Variants in CILK1 observed in about 807,000 individuals in gnomAD.
CILK1 encodes the protein serine/threonine-protein kinase ICK.
In CILK1, 47 loss-of-function variants were observed where a neutral mutation model predicts 79.2. The observed-to-expected ratio is 0.59, with a 90% CI of 0.47 to 0.76. The LOEUF (loss-of-function observed/expected upper bound fraction) is 0.76. Ranked by LOEUF, CILK1 falls within the 30% of genes least tolerant of loss-of-function variation. CILK1 has a pLI of 0.00. For missense variants in CILK1, 660 were observed against 769.5 expected (o/e 0.86, Z 1.68); for synonymous variants, 266 against 275.9 (o/e 0.96, Z 0.36).
In CILK1 at chr6:53,016,239, A is replaced by T. The variant is rs765514621; in HGVS notation, c.675T>A (p.Pro225=). ...TTGCACTTGAAAGTTGATAGCCTTCAGGCCAGTCAGTCTGAAAGAAGGAAA... is the reference window on the plus strand; with the variant it reads ...TTGCACTTGAAAGTTGATAGCCTTCTGGCCAGTCAGTCTGAAAGAAGGAAA... The part of the protein sequence containing the change: ...VLGTPKKTDW[P]EGYQLSSAMN... Residue 225 remains proline, a synonymous_variant, in exon 8 of 14, where the codon CCT becomes CCA. Transcript: ENST00000676107. 6.2e-7 allele frequency: 1 copy of T among 1,614,078 alleles called. No individual in the cohort carries two copies. The highest frequency in any genetic ancestry group is 1.1e-5 in the South Asian group (1 of 91,092).
chr6:53,056,421 A>T (rs9474376), intron 1 of CILK1, among the ~76,000 whole-genome samples: 1 of 152,232 alleles, frequency 6.6e-6, no homozygotes, highest in African/African-American at 2.4e-5. Flanking sequence ...GCATGAAAGC[A>T]GTCAAAGACA....
Position 53,032,634 on chromosome 6 carries a change from A to G in CILK1, c.177T>C (p.His59=), listed in dbSNP as rs1766045408. The G allele has an allele frequency of 1.2e-6, 2 of 1,605,990 alleles. No homozygotes were observed. Among genetic ancestry groups the G allele is most frequent in the Non-Finnish European group, 1.7e-6 (2 of 1,174,324 alleles). ...CTTCTTTTAATTTGACTACATTGGC[A>G]TGGTTGAGCTTCTTTAAAGACTAAA... is the stretch of plus-strand genomic sequence containing the variant. ...REVKSLKKLN[H]ANVVKLKEVI... is the part of the protein sequence containing the mutation. Residue 59 remains histidine (H), a synonymous_variant, in exon 4 of 14, where the codon CAT becomes CAC. Transcript: ENST00000676107.
At chr6:53,041,081 G>T in intron 2 of CILK1, 55 bp downstream of exon 2, 1 of 1,157,850 alleles carries the variant, frequency 8.6e-7, no homozygotes, top group South Asian at 1.2e-5. Flanking sequence ...TTACAAAGAC[G>T]GGTAATGGTG....
chr6:53,050,077 G>T (rs1253669910), intron 1 of CILK1, among the ~76,000 whole-genome samples: 1 of 152,136 alleles, frequency 6.6e-6, no homozygotes, highest in Non-Finnish European at 1.5e-5. Flanking sequence ...TATTTTTAGT[G>T]TATTAATGTT....
At chr6:53,014,252 A>G (rs991307155) in intron 8 of CILK1, among the ~76,000 whole-genome samples, 2 of 152,226 alleles carry the variant, frequency 1.3e-5, no homozygotes, top group African/African-American at 4.8e-5. Context: ...TTCTGGATCA[A>G]CACAGATCCT....
At chr6:53,018,974 G>C (rs1581698086) in intron 6 of CILK1, among the ~76,000 whole-genome samples, 1 of 152,146 alleles carries the variant, frequency 6.6e-6, no homozygotes, top group East Asian at 1.9e-4. Flanking sequence ...CTTTTGTTAA[G>C]CTGTCCTCAG....
At chr6:53,039,001 GGTAC>G (rs1766531314) in intron 2 of CILK1, among the ~76,000 whole-genome samples, 2 of 152,198 alleles carry the variant, frequency 1.3e-5, no homozygotes, top group African/African-American at 4.8e-5. Context: ...AAACAGAGAA[GGTAC>G]ACGACTTTCC....
chr6:53,003,497 T>G lies in CILK1; in HGVS notation c.*1652A>C, dbSNP rs1764039978. The G allele has an allele frequency of 6.6e-6, 1 of 152,264 alleles. No homozygotes were observed. The highest frequency in any genetic ancestry group is 1.9e-4 in the East Asian group (1 of 5,182). 9.4% of individuals were successfully genotyped at this position (152,264 alleles called of 1,614,324 possible). On this transcript the variant is annotated 3_prime_UTR_variant, in exon 14 of 14. Coordinates refer to ENST00000676107, the MANE Select transcript of CILK1 (RefSeq NM_014920.5). ...GCTCATGCCTGTAATCCCAGTACTT[T>G]GGGAGGTGGAGGAGGGTGGATCACG...
At position 53,005,203 on chromosome 6, in the gene CILK1, G is replaced by C. The variant is rs760284964; in HGVS notation, c.1845C>G (p.Ala615=). The C allele has an allele frequency of 6.2e-7, 1 of 1,614,194 alleles. No individual in the cohort carries two copies. Residue 615 remains alanine (A), a synonymous_variant, in exon 14 of 14, where the codon GCC becomes GCG. Coordinates refer to ENST00000676107, the MANE Select transcript of CILK1 (RefSeq NM_014920.5). ...AGTCTGTCCGGCCATGCACTGGCTG[G>C]GCGGCTGGAGGCCGTGGTATCAACC... The part of the protein sequence containing the change: ...TPGLIPRPPA[A]QPVHGRTDWA...
Position 53,032,645 on chromosome 6 carries a change from T to G in CILK1, c.166A>C (p.Lys56Gln). The G allele has an allele frequency of 6.2e-7, 1 of 1,604,916 alleles. No individual in the cohort carries two copies. The highest frequency in any genetic ancestry group is 1.1e-5 in the South Asian group (1 of 90,338). The change falls in exon 4 of 14, where the codon AAG (lysine) becomes CAG (glutamine). Residue 56 changes from lysine to glutamine, a missense_variant. Transcript: ENST00000676107. ...MNLREVKSLK[K>Q]LNHANVVKLK... ...TTGACTACATTGGCATGGTTGAGCT[T>G]CTTTAAAGACTAAAAGGCAAGGAAT...
Position 53,019,373 on chromosome 6 carries a change from AGAG to A in CILK1, c.359-17_359-15del. On this transcript the variant is annotated splice_polypyrimidine_tract_variant and intron_variant, in intron 5 of 13. Coordinates refer to ENST00000676107, the MANE Select transcript of CILK1 (RefSeq NM_014920.5). ...GATGAAAGAAGCCTATAGAGACAGT[AGAG>A]GAGAAGAAATCCAAATGCAAGTTTG... The A allele has an allele frequency of 1.9e-6, 3 of 1,613,946 alleles. No homozygotes were observed. Among genetic ancestry groups the A allele is most frequent in the South Asian group, 1.1e-5 (1 of 91,076 alleles).
chr6:53,034,388 C>A (rs141546451), intron 3 of CILK1, among the ~76,000 whole-genome samples: 2 of 152,180 alleles, frequency 1.3e-5, no homozygotes, highest in South Asian at 2.1e-4. Flanking sequence ...GTGTGGGGGA[C>A]GTCAAGTGAC....
At chr6:53,047,271 G>A (rs1006838450) in intron 1 of CILK1, among the ~76,000 whole-genome samples, 2 of 152,018 alleles carry the variant, frequency 1.3e-5, no homozygotes, top group Non-Finnish European at 2.9e-5. Flanking sequence ...AATTATGAAC[G>A]AGTATGTGTG....
intron 5 of CILK1, among the ~76,000 whole-genome samples, chr6:53,023,341 T>A (rs1765372551): frequency 6.6e-6 from 1 of 152,126 alleles, no homozygotes; most frequent in Non-Finnish European, 1.5e-5. Flanking sequence ...CATAATATAC[T>A]CTTGCTGATT....
chr6:53,051,008 C>CT lies in CILK1; in HGVS notation c.-172-9601dup, dbSNP rs537669814. 1.9e-3 allele frequency among the ~76,000 whole-genome samples: 282 copies of CT among 152,252 alleles called. 1 individual carries two copies. The highest frequency in any genetic ancestry group is 6.2e-3 in the African/African-American group (259 of 41,542). Reference sequence around the variant, plus strand: ...ATCCACAGAGCTGTGGGTGGCAGATCTGGCCTCTGGGGACTTCTCACGCAG... The same window carrying CT: ...ATCCACAGAGCTGTGGGTGGCAGATCTTGGCCTCTGGGGACTTCTCACGCAG... On this transcript the variant is annotated intron_variant, in intron 1 of 13. Transcript: ENST00000676107.
At chr6:53,060,033 G>A (rs1768295894) in intron 1 of CILK1, among the ~76,000 whole-genome samples, 1 of 152,150 alleles carries the variant, frequency 6.6e-6, no homozygotes, top group Admixed American at 6.5e-5. Context: ...TGATACAGAG[G>A]ATGAAGGAAA....
At chr6:53,027,528 C>T (rs1304988415) in intron 5 of CILK1, among the ~76,000 whole-genome samples, 1 of 152,202 alleles carries the variant, frequency 6.6e-6, no homozygotes, top group African/African-American at 2.4e-5. Flanking sequence ...CAGAATGCAC[C>T]TCCTCACAGT....
At chr6:53,037,464 C>A (rs1766430962) in intron 3 of CILK1, among the ~76,000 whole-genome samples, 1 of 152,144 alleles carries the variant, frequency 6.6e-6, no homozygotes, top group Non-Finnish European at 1.5e-5. Flanking sequence ...TGCCTTCCCT[C>A]CCCTCTGTGT....
intron 1 of CILK1, among the ~76,000 whole-genome samples, chr6:53,054,218 T>TA (rs1362998206): frequency 6.6e-6 from 1 of 152,072 alleles, no homozygotes; most frequent in African/African-American, 2.4e-5. Flanking sequence ...AACCTACACA[T>TA]ATAGACCCGA....
Sources: allele counts gnomAD v4.1 joint callset (sites outside exome capture counted in the v4.1 genomes callset), GRCh38; gene constraint gnomAD v4.1.1; transcripts MANE v1.5; gene names NCBI Gene and HGNC (gene_info 2026-07-23, HGNC 2026-07-21).